KCNAB1: variants seen among roughly 807,000 people sequenced by gnomAD.
KCNAB1 encodes the protein potassium voltage-gated channel subfamily A regulatory beta subunit 1.
In KCNAB1, 35 loss-of-function variants were observed where a neutral mutation model predicts 64.6. The observed-to-expected ratio is 0.54, with a 90% CI of 0.41 to 0.72. KCNAB1 has a LOEUF of 0.72. KCNAB1 is among the 30% of genes least tolerant of loss of function. The pLI is 0.00. For missense variants in KCNAB1, 401 were observed against 512.9 expected, an observed-to-expected ratio of 0.78 and a Z score of 2.11; for synonymous variants, 177 against 183.8, an observed-to-expected ratio of 0.96 and a Z score of 0.30.
chr3:156,269,209 A>G (rs1004536136), intron 1 of KCNAB1, among the ~76,000 whole-genome samples: 11 of 152,094 alleles, frequency 7.2e-5, no homozygotes, highest in African/African-American at 2.4e-4. Context: ...ATTCAGTTCC[A>G]TTGGTATATA....
chr3:156,415,637 C>G (rs565627379), intron 1 of KCNAB1, among the ~76,000 whole-genome samples: 28 of 152,302 alleles, frequency 1.8e-4, no homozygotes, highest in African/African-American at 6.5e-4. Context: ...CCATCCCCTG[C>G]TTTGGCTTCT....
At chr3:156,402,198 A>G (rs548478562) in intron 1 of KCNAB1, among the ~76,000 whole-genome samples, 1 of 152,260 alleles carries the variant, frequency 6.6e-6, no homozygotes, top group Non-Finnish European at 1.5e-5. Context: ...GTGGGTGGGA[A>G]CATATTAAGA....
intron 1 of KCNAB1, among the ~76,000 whole-genome samples, chr3:156,294,875 T>C (rs1443364484): frequency 9.2e-5 from 14 of 152,178 alleles, no homozygotes; most frequent in Admixed American, 9.2e-4. Flanking sequence ...TTGAAAATGG[T>C]CTACAACTCA....
At chr3:156,429,411 CT>C in intron 2 of KCNAB1, among the ~76,000 whole-genome samples, 2 of 152,316 alleles carry the variant, frequency 1.3e-5, no homozygotes, top group East Asian at 3.9e-4. Context: ...GTGGGGTGAG[CT>C]GGCTTCCCTG....
chr3:156,402,482 A>G (rs1352573650), intron 1 of KCNAB1, among the ~76,000 whole-genome samples: 3 of 152,252 alleles, frequency 2.0e-5, no homozygotes, highest in Non-Finnish European at 2.9e-5. Context: ...ATAGGTTCTC[A>G]ATAACTGAAT....
chr3:156,122,707 C>T (rs2108252484), intron 1 of KCNAB1, among the ~76,000 whole-genome samples: 1 of 152,262 alleles, frequency 6.6e-6, no homozygotes, highest in South Asian at 2.1e-4. Context: ...GATATGTCCA[C>T]CTTACATGAT....
chr3:156,387,499 G>A (rs1712707890), intron 1 of KCNAB1, among the ~76,000 whole-genome samples: 1 of 152,084 alleles, frequency 6.6e-6, no homozygotes, highest in Non-Finnish European at 1.5e-5. Flanking sequence ...AAACATTTTT[G>A]TTGGCTGCAT....
intron 1 of KCNAB1, among the ~76,000 whole-genome samples, chr3:156,224,282 G>GCCCCGGTTTCCA (rs1470857444): frequency 1.3e-5 from 2 of 152,240 alleles, no homozygotes; most frequent in African/African-American, 4.8e-5. Context: ...ACCGCACGCA[G>GCCCCGGTTTCCA]CCCCGGTTTC....
intron 1 of KCNAB1, among the ~76,000 whole-genome samples, chr3:156,188,893 C>A (rs1214465105): frequency 6.6e-6 from 1 of 152,174 alleles, no homozygotes; most frequent in African/African-American, 2.4e-5. Context: ...GTTGTGATCA[C>A]TTCTCAGAGA....
intron 8 of KCNAB1, among the ~76,000 whole-genome samples, chr3:156,484,740 A>T (rs903708465): frequency 6.6e-6 from 1 of 152,056 alleles, no homozygotes; most frequent in East Asian, 1.9e-4. Flanking sequence ...AAATTCTCAG[A>T]CAGCCGGGGA....
rs143024983 is a variant in KCNAB1 at position 156,434,406 on chromosome 3, T to C, written c.319+12747T>C. ...CCAAGCTCATCATACTGTCAGCATA[T>C]ACAGACAGCCCATACGGAAGGTATA... On this transcript the variant is annotated intron_variant, in intron 2 of 13. Coordinates refer to ENST00000490337, the MANE Select transcript of KCNAB1 (RefSeq NM_172160.3). Among the ~76,000 whole-genome samples, 215 of 152,304 alleles carry C rather than the reference T, an allele frequency of 1.4e-3. 1 individual carries two copies. The highest frequency in any genetic ancestry group is 5.0e-3 in the African/African-American group (206 of 41,560).
chr3:156,213,664 A>AG (rs1715150550), intron 1 of KCNAB1, among the ~76,000 whole-genome samples: 1 of 152,224 alleles, frequency 6.6e-6, no homozygotes, highest in Non-Finnish European at 1.5e-5. Flanking sequence ...AACTCTTGTC[A>AG]GCCTTGTCAT....
intron 1 of KCNAB1, among the ~76,000 whole-genome samples, chr3:156,402,437 A>G (rs1713970929): frequency 6.6e-6 from 1 of 152,212 alleles, no homozygotes. Context: ...GGGAATTTTA[A>G]TGTAATTATC....
intron 1 of KCNAB1, among the ~76,000 whole-genome samples, chr3:156,182,636 C>CG (rs1560124887): frequency 1.3e-5 from 2 of 151,662 alleles, no homozygotes; most frequent in African/African-American, 4.8e-5. Context: ...TTTTCCCCCC[C>CG]CCGGGTCTTA....
intron 1 of KCNAB1, among the ~76,000 whole-genome samples, chr3:156,185,772 C>A (rs1256049955): frequency 1.3e-5 from 2 of 152,050 alleles, no homozygotes; most frequent in African/African-American, 2.4e-5. Flanking sequence ...GGACACCTTT[C>A]AGATGGGAAT....
rs116181330 is a variant in KCNAB1 at position 156,516,995 on chromosome 3, T to C, written c.960+631T>C. Among the ~76,000 whole-genome samples the C allele has an allele frequency of 2.6e-3, 395 of 152,366 alleles. 1 individual carries two copies. The highest frequency in any genetic ancestry group is 9.3e-3 in the African/African-American group (387 of 41,586). On this transcript the variant is annotated intron_variant, in intron 11 of 13. Coordinates refer to ENST00000490337, the MANE Select transcript of KCNAB1 (RefSeq NM_172160.3). ...TCAGGACATCTTGATGACTAATTTATTGGAGAGTACTCAAAAATCTCTCCT... is the reference window on the plus strand; with the variant it reads ...TCAGGACATCTTGATGACTAATTTACTGGAGAGTACTCAAAAATCTCTCCT...
intron 1 of KCNAB1, among the ~76,000 whole-genome samples, chr3:156,163,424 T>C (rs977951625): frequency 1.3e-5 from 2 of 152,198 alleles, no homozygotes; most frequent in Admixed American, 1.3e-4. Context: ...TAGTGGGACC[T>C]CTGGTTGTTA....
intron 1 of KCNAB1, among the ~76,000 whole-genome samples, chr3:156,256,498 T>A (rs996854360): frequency 6.6e-6 from 1 of 152,188 alleles, no homozygotes; most frequent in Non-Finnish European, 1.5e-5. Flanking sequence ...GGTTTCCTAT[T>A]TCATGATATC....
chr3:156,234,569 G>T (rs1304608427), intron 1 of KCNAB1, among the ~76,000 whole-genome samples: 1 of 152,098 alleles, frequency 6.6e-6, no homozygotes, highest in African/African-American at 2.4e-5. Flanking sequence ...GCTGGGAGTG[G>T]GGATGGGTTG....
Sources: allele counts gnomAD v4.1 joint callset (sites outside exome capture counted in the v4.1 genomes callset), GRCh38; gene constraint gnomAD v4.1.1; transcripts MANE v1.5; gene names NCBI Gene and HGNC (gene_info 2026-07-23, HGNC 2026-07-21).